DCAF6: variants seen among roughly 807,000 people sequenced by gnomAD.
The protein encoded by DCAF6 is DDB1- and CUL4-associated factor 6.
DCAF6 carries 54 observed loss-of-function variants against 125.1 expected under a neutral mutation model. The observed-to-expected ratio is 0.43, with a 90% CI of 0.35 to 0.54. DCAF6 has a LOEUF of 0.54. DCAF6 is among the 20% of genes least tolerant of loss of function. The pLI, the probability that DCAF6 is intolerant of heterozygous loss-of-function variation, is 0.01. For missense variants in DCAF6, 934 were observed against 1,161.7 expected, an observed-to-expected ratio of 0.80 and a Z score of 2.85; for synonymous variants, 371 against 390.4, an observed-to-expected ratio of 0.95 and a Z score of 0.58.
At chr1:167,985,252 C>T (rs547064235) in intron 4 of DCAF6, among the ~76,000 whole-genome samples, 19 of 151,640 alleles carry the variant, frequency 1.3e-4, no homozygotes, top group Admixed American at 8.5e-4. Context: ...CGCGTGTGCA[C>T]GTGGCTTAAA....
upstream of DCAF6, chr1:167,936,230 ACCTCCTCCTTCTCCCCATGC>A: frequency 4.3e-6 from 1 of 234,316 alleles, no homozygotes; most frequent in Non-Finnish European, 8.5e-6. Context: ...TCGAGCGGAA[ACCTCCTCCTTCTCCCCATGC>A]CCTCGAGGCC....
At chr1:167,978,554 G>A (rs1033332272) in intron 4 of DCAF6, among the ~76,000 whole-genome samples, 1 of 151,894 alleles carries the variant, frequency 6.6e-6, no homozygotes, top group Non-Finnish European at 1.5e-5. Context: ...CTGTTGGGTT[G>A]TTTGTCTTAT....
intron 7 of DCAF6, among the ~76,000 whole-genome samples, chr1:167,994,732 C>T (rs1019571446): frequency 3.9e-5 from 6 of 152,052 alleles, no homozygotes; most frequent in Admixed American, 3.3e-4. Context: ...ACATGTTTTT[C>T]ACTTTGGCTT....
intron 7 of DCAF6, among the ~76,000 whole-genome samples, chr1:167,993,917 A>G (rs966289904): frequency 5.3e-5 from 8 of 152,120 alleles, no homozygotes; most frequent in Non-Finnish European, 1.2e-4. Flanking sequence ...AAAGAATAGA[A>G]GCTAATAAAT....
At chr1:167,928,166 G>A in the DCAF6 span, among the ~76,000 whole-genome samples, 1 of 152,104 alleles carries the variant, frequency 6.6e-6, no homozygotes, top group African/African-American at 2.4e-5. Context: ...GGCTAACACG[G>A]TGAAACCCTG....
the DCAF6 span, chr1:167,924,540 G>T: frequency 8.0e-7 from 1 of 1,243,794 alleles, no homozygotes; most frequent in Non-Finnish European, 1.1e-6. Flanking sequence ...TCTGGGACCT[G>T]AAAAAAAAAA....
chr1:168,011,445 G>C (rs899470896), intron 10 of DCAF6, among the ~76,000 whole-genome samples: 5 of 152,010 alleles, frequency 3.3e-5, no homozygotes, highest in African/African-American at 1.2e-4. Flanking sequence ...CATATGATGT[G>C]GTCTGTGTGT....
intron 10 of DCAF6, among the ~76,000 whole-genome samples, chr1:168,012,293 TTTG>T (rs1173426436): frequency 6.6e-6 from 1 of 152,252 alleles, no homozygotes; most frequent in Non-Finnish European, 1.5e-5. Flanking sequence ...TGTAGCTGTT[TTTG>T]TTGTTCTTCT....
rs375216379 is a variant in DCAF6 at position 168,032,246 on chromosome 1, A to G, written c.1610-6125A>G. On this transcript the variant is annotated intron_variant, in intron 12 of 21. Coordinates refer to ENST00000367840, the MANE Select transcript of DCAF6 (RefSeq NM_001198956.2). ...TTCTGTTTTATAAAGCCAGATTTGC[A>G]CTAGTGTAAGCACTCAATTTTTAGA... Among the ~76,000 whole-genome samples, 557 of 152,352 alleles carry G rather than the reference A, an allele frequency of 3.7e-3. 4 individuals carry two copies. The highest frequency in any genetic ancestry group is 0.013 in the African/African-American group (541 of 41,574).
Position 167,959,393 on chromosome 1 carries a change from T to C in DCAF6, c.160-7236T>C, listed in dbSNP as rs563160946. Among the ~76,000 whole-genome samples, 4 of 152,312 alleles carry C rather than the reference T, an allele frequency of 2.6e-5. No homozygotes were observed. The East Asian group carries it at 5.8e-4, about 22-fold the overall frequency. ...GTTTACGTTCGTGTGCAGGTGTATG[T>C]GTGGACATACGTTTTCAGCTCCTTT... On this transcript the variant is annotated intron_variant, in intron 2 of 21. Transcript: ENST00000367840.
At chr1:168,042,492 C>G (rs535458516) in intron 13 of DCAF6, among the ~76,000 whole-genome samples, 1 of 151,992 alleles carries the variant, frequency 6.6e-6, no homozygotes, top group Non-Finnish European at 1.5e-5. Flanking sequence ...CCCTGTCCTT[C>G]TACAGAACTA....
At chr1:167,872,367 TAA>T in the DCAF6 span, among the ~76,000 whole-genome samples, 28 of 142,024 alleles carry the variant, frequency 2.0e-4, no homozygotes, top group African/African-American at 2.3e-4. Context: ...TAAGGAAGCT[TAA>T]AAAAAAAAAA....
At chr1:167,896,073 A>C in the DCAF6 span, among the ~76,000 whole-genome samples, 1 of 152,180 alleles carries the variant, frequency 6.6e-6, no homozygotes, top group South Asian at 2.1e-4. Flanking sequence ...CTGGTTTGGC[A>C]AATTAATGGT....
At chr1:167,901,851 C>T in the DCAF6 span, 1 of 1,613,974 alleles carries the variant, frequency 6.2e-7, no homozygotes, top group Non-Finnish European at 8.5e-7. Flanking sequence ...CCCTGGGGAT[C>T]AATCTATTTT....
chr1:168,065,484 T>C, intron 18 of DCAF6, 106 bp from the exon 19 acceptor site: 1 of 934,680 alleles, frequency 1.1e-6, no homozygotes, highest in Non-Finnish European at 1.5e-6. Context: ...AGCCAGTTTT[T>C]TAAAAAATGT....
the DCAF6 span, among the ~76,000 whole-genome samples, chr1:167,913,021 C>T: frequency 1.6e-3 from 240 of 152,242 alleles, no homozygotes; most frequent in Non-Finnish European, 2.6e-3. Context: ...ATGTATATGA[C>T]CTAGACAAAA....
chr1:167,878,899 A>T, the DCAF6 span, among the ~76,000 whole-genome samples: 1 of 152,190 alleles, frequency 6.6e-6, no homozygotes, highest in East Asian at 1.9e-4. Context: ...GGGCTTGAGT[A>T]TGGAGCAGGC....
intron 11 of DCAF6, among the ~76,000 whole-genome samples, chr1:168,020,342 T>C (rs909566802): frequency 1.3e-5 from 2 of 152,140 alleles, no homozygotes; most frequent in African/African-American, 2.4e-5. Context: ...CTGAAGAATT[T>C]TTGTGATTTA....
At chr1:168,053,191 C>T (rs1690174022) in intron 17 of DCAF6, among the ~76,000 whole-genome samples, 1 of 152,078 alleles carries the variant, frequency 6.6e-6, no homozygotes, top group Non-Finnish European at 1.5e-5. Flanking sequence ...AAAATATGGG[C>T]CCTTATATAT....
Sources: gnomAD v4.1 joint callset for allele counts (sites outside exome capture counted in the v4.1 genomes callset) on GRCh38, gnomAD v4.1.1 for gene constraint, MANE v1.5 for transcripts, NCBI Gene and HGNC (gene_info 2026-07-23, HGNC 2026-07-21) for gene names.